The following AKAP9 variants were observed in gnomAD, a reference collection of about 807,000 sequenced individuals.
AKAP9 encodes the protein A-kinase anchoring protein 9, also known as A-kinase anchor protein 9.
In AKAP9, 311 loss-of-function variants were observed where a neutral mutation model predicts 488.5. That is an observed-to-expected ratio of 0.64 (90% CI 0.58 to 0.70). AKAP9 has a LOEUF of 0.70. Among genes scored for constraint, AKAP9 ranks in the 30% least tolerant of loss-of-function variants. The probability of loss-of-function intolerance (pLI) is 0.00; values close to 1 mark genes in which losing one functional copy is unlikely to be tolerated. For missense variants in AKAP9, 4,215 were observed against 4,374.5 expected (o/e 0.96, Z 1.03); for synonymous variants, 1,462 against 1,483.5 (o/e 0.99, Z 0.33).
intron 1 of AKAP9, among the ~76,000 whole-genome samples, chr7:91,942,826 G>A (rs141575341): frequency 6.6e-6 from 1 of 152,188 alleles, no homozygotes; most frequent in Non-Finnish European, 1.5e-5. Context: ...GTGAATTTTT[G>A]TTGTAAAAGA....
Position 92,002,019 on chromosome 7 carries a change from A to T in AKAP9, c.2102A>T (p.Lys701Met), listed in dbSNP as rs753278685. 1.2e-6 allele frequency: 2 copies of T among 1,610,914 alleles called. No individual in the cohort carries two copies. The highest frequency in any genetic ancestry group is 1.7e-6 in the Non-Finnish European group (2 of 1,179,074). The change falls in exon 8 of 50, where the codon AAG becomes ATG. Residue 701 changes from lysine (K) to methionine (M), a missense_variant. Physicochemically the swap from Lys to Met is moderately conservative, Grantham distance 95. Coordinates refer to ENST00000356239, the MANE Select transcript of AKAP9 (RefSeq NM_005751.5). The part of the protein sequence containing the change: ...KQNQLILEIS[K>M]LKDLQQSLVN... ...AATCAATTAATTTTGGAAATTTCAAAGCTAAAAGATTTACAGCAGTCTCTT... is the reference window on the plus strand; with the variant it reads ...AATCAATTAATTTTGGAAATTTCAATGCTAAAAGATTTACAGCAGTCTCTT...
chr7:92,028,154 CGGA>C lies in AKAP9; in HGVS notation c.4149-1740_4149-1738del, dbSNP rs539109784. Among the ~76,000 whole-genome samples, 10 of 152,054 alleles carry C rather than the reference CGGA, an allele frequency of 6.6e-5. No individual in the cohort carries two copies. The East Asian group carries it at 1.9e-3, about 29-fold the overall frequency. ...CAAGTACCCAGGGACACAAACACTG[CGGA>C]AGGCCGCAGGGTCCTCTGCCTAGGA... On this transcript the variant is annotated intron_variant, in intron 14 of 49. Transcript: ENST00000356239.
intron 3 of AKAP9, among the ~76,000 whole-genome samples, chr7:91,981,080 T>C (rs1796354955): frequency 1.3e-5 from 2 of 152,222 alleles, no homozygotes; most frequent in South Asian, 4.1e-4. Context: ...GTTAATGTGC[T>C]TAAAAGTTGG....
chr7:91,985,950 TC>T (rs1797032195), intron 3 of AKAP9, among the ~76,000 whole-genome samples: 1 of 152,050 alleles, frequency 6.6e-6, no homozygotes, highest in Non-Finnish European at 1.5e-5. Context: ...CCCAGCCAAT[TC>T]CCCCTTTTTC....
chr7:92,022,335 C>A lies in AKAP9; in HGVS notation c.3935C>A (p.Thr1312Asn). The change falls in exon 13 of 50, where the codon ACC becomes AAC. Residue 1312 changes from threonine to asparagine, a missense_variant. Coordinates refer to ENST00000356239, the MANE Select transcript of AKAP9 (RefSeq NM_005751.5). ...TEFLSIHSQM[T>N]NLEDIDVNHK... Reference sequence around the variant, plus strand: ...TTTTTATCAATCCATTCTCAGATGACCAATTTGGAAGACATTGGTAAATTT... The same window carrying A: ...TTTTTATCAATCCATTCTCAGATGAACAATTTGGAAGACATTGGTAAATTT... 6.2e-7 allele frequency: 1 copy of A among 1,608,332 alleles called. No individual in the cohort carries two copies. The highest frequency in any genetic ancestry group is 1.3e-5 in the African/African-American group (1 of 74,854).
chr7:92,045,487 T>C (rs1806818712), intron 21 of AKAP9, among the ~76,000 whole-genome samples: 2 of 152,056 alleles, frequency 1.3e-5, no homozygotes, highest in Admixed American at 1.3e-4. Flanking sequence ...TAAAAGAAAA[T>C]TTATATATCA....
intron 1 of AKAP9, among the ~76,000 whole-genome samples, chr7:91,952,137 C>T (rs548169244): frequency 4.6e-5 from 7 of 152,270 alleles, no homozygotes; most frequent in African/African-American, 1.7e-4. Context: ...TTTACTCGAG[C>T]CTCTACTTTA....
chr7:92,089,373 C>G lies in AKAP9; in HGVS notation c.9214-12C>G, dbSNP rs779061458. On this transcript the variant is annotated splice_polypyrimidine_tract_variant and intron_variant, in intron 37 of 49. Transcript: ENST00000356239. ...TTGCTCTTCACTTGTTTTTTACCTTCCTTTGTTACAGGGTGTTGAATATCA... is the reference window on the plus strand; with the variant it reads ...TTGCTCTTCACTTGTTTTTTACCTTGCTTTGTTACAGGGTGTTGAATATCA... The G allele has an allele frequency of 3.1e-6, 5 of 1,611,202 alleles. No individual in the cohort carries two copies. In the South Asian group the frequency reaches 5.5e-5, roughly 18 times the overall value.
chr7:92,053,759 C>G (rs546027425), intron 22 of AKAP9, among the ~76,000 whole-genome samples: 3 of 152,174 alleles, frequency 2.0e-5, no homozygotes, highest in East Asian at 3.9e-4. Context: ...AGAGACTTCT[C>G]AAAGTGCAGC....
rs1174485561 is a variant in AKAP9, at chr7:92,077,689, T to C, written c.6766-7T>C. On this transcript the variant is annotated splice_polypyrimidine_tract_variant and splice_region_variant and intron_variant, in intron 29 of 49. Transcript: ENST00000356239. ...TATCCAACTGTGATAATTATTTTTG[T>C]TCCTAGGATGACATGGAGAAACTGG... 6 of 1,612,652 alleles carry C rather than the reference T, an allele frequency of 3.7e-6. No individual in the cohort carries two copies. Among genetic ancestry groups the C allele is most frequent in the East Asian group, 2.2e-5 (1 of 44,802 alleles).
intron 1 of AKAP9, among the ~76,000 whole-genome samples, chr7:91,944,051 A>G (rs1053969611): frequency 6.6e-6 from 1 of 152,232 alleles, no homozygotes; most frequent in Non-Finnish European, 1.5e-5. Flanking sequence ...ACAGTTTGTC[A>G]TGTATGCAGT....
At chr7:92,015,172 G>A (rs1801334208) in intron 10 of AKAP9, among the ~76,000 whole-genome samples, 1 of 152,026 alleles carries the variant, frequency 6.6e-6, no homozygotes, top group Non-Finnish European at 1.5e-5. Flanking sequence ...AGTTGGTGGT[G>A]GTAATTTTTT....
In AKAP9 at chr7:92,070,430, T is replaced by TTTTGC. The variant is rs1370693413; in HGVS notation, c.6507+228_6507+229insCTTTG. 4.0e-5 allele frequency among the ~76,000 whole-genome samples: 6 copies of TTTTGC among 151,738 alleles called. No homozygotes were observed. The East Asian group carries it at 1.2e-3, about 29-fold the overall frequency. On this transcript the variant is annotated intron_variant, in intron 27 of 49. Transcript: ENST00000356239. ...TTTTGTTTTGTTTTGTTTTGTTTTG[T>TTTTGC]TTTGTTTTGTTTTGTTTTTTGGAGA... is the stretch of plus-strand genomic sequence containing the variant.
Position 92,086,246 on chromosome 7 carries a change from T to G in AKAP9, c.9043T>G (p.Ser3015Ala). Residue 3015 changes from serine (S) to alanine (A), a missense_variant, in exon 37 of 50, where the codon TCT becomes GCT. By Grantham distance (99) the Ser-to-Ala change is moderately conservative. This residue lies in a region of AKAP9 where 1,476 missense variants were observed against 1,477.4 expected (regional missense o/e 1.00). Transcript: ENST00000356239. The part of the protein sequence containing the change: ...REAEVYDSSQ[S>A]HESFSDWRGE... ...TTGCTAGGTTTATGATAGTTCTCAA[T>G]CTCATGAGAGCTTCTCAGACTGGCG... 6.2e-7 allele frequency: 1 copy of G among 1,614,048 alleles called. No homozygotes were observed. Among genetic ancestry groups the G allele is most frequent in the Non-Finnish European group, 8.5e-7 (1 of 1,179,934 alleles).
At chr7:91,945,506 C>CA (rs1278731870) in intron 1 of AKAP9, among the ~76,000 whole-genome samples, 10 of 152,016 alleles carry the variant, frequency 6.6e-5, no homozygotes, top group Non-Finnish European at 1.3e-4. Context: ...GACTCTGTCT[C>CA]AAAAAACAAA....
chr7:92,053,272 G>A (rs562770012), intron 22 of AKAP9, among the ~76,000 whole-genome samples: 5 of 152,086 alleles, frequency 3.3e-5, no homozygotes, highest in South Asian at 2.1e-4. Flanking sequence ...TTTCTTAACC[G>A]CTATTAAGTA....
At chr7:92,069,355 G>C (rs1055896901) in intron 26 of AKAP9, among the ~76,000 whole-genome samples, 11 of 152,126 alleles carry the variant, frequency 7.2e-5, no homozygotes, top group African/African-American at 2.4e-4. Context: ...GGTGGAGAAA[G>C]TCTTAGTCTT....
In AKAP9 at chr7:92,001,101, AAC is replaced by A. The variant is rs751758306; in HGVS notation, c.1186_1187del (p.Gln396ValfsTer14). Reference sequence around the variant, plus strand: ...GAAAGACAGTCTTCTGAAGAAATAAAACAGTTAATGGGGACAGTCGAAGAACT... The same window carrying A: ...GAAAGACAGTCTTCTGAAGAAATAAAAGTTAATGGGGACAGTCGAAGAACT... On this transcript the variant is annotated frameshift_variant, in exon 8 of 50. Transcript: ENST00000356239. LOFTEE classifies it high-confidence loss of function. 1 of 1,613,966 alleles carries A rather than the reference AAC, an allele frequency of 6.2e-7. No individual in the cohort carries two copies. Among genetic ancestry groups the A allele is most frequent in the Non-Finnish European group, 8.5e-7 (1 of 1,179,926 alleles).
rs1420384859 is a variant in AKAP9 at position 91,980,239 on chromosome 7, A to G, written c.307-50A>G. On this transcript the variant is annotated intron_variant, in intron 2 of 49. Coordinates refer to ENST00000356239, the MANE Select transcript of AKAP9 (RefSeq NM_005751.5). ...TAGTAATGGTTTAGTAAAGTATGAT[A>G]TTTAGCACAAAAAAGTCATAATTAT... 4.3e-6 allele frequency: 5 copies of G among 1,173,816 alleles called. No individual in the cohort carries two copies. The East Asian group carries it at 7.1e-5, about 17-fold the overall frequency. 72.7% of individuals were successfully genotyped at this position (1,173,816 alleles called of 1,614,324 possible). A position where few individuals can be genotyped will look rare whatever the true frequency, so the allele number is the denominator to read the frequency against.
Sources: allele counts gnomAD v4.1 joint callset (sites outside exome capture counted in the v4.1 genomes callset), GRCh38; gene constraint gnomAD v4.1.1; regional missense constraint gnomAD v4.1.1; transcripts MANE v1.5; gene names NCBI Gene and HGNC (gene_info 2026-07-23, HGNC 2026-07-21).